DLGAP2: variants seen among roughly 807,000 people sequenced by gnomAD.
The protein encoded by DLGAP2 is DLG associated protein 2.
In DLGAP2, 26 loss-of-function variants were observed where a neutral mutation model predicts 100.3. That is an observed-to-expected ratio of 0.26 (90% CI 0.19 to 0.36). The LOEUF is 0.36. Among genes scored for constraint, DLGAP2 ranks in the 10% least tolerant of loss-of-function variants. The probability of loss-of-function intolerance (pLI) is 1.00; values close to 1 mark genes in which losing one functional copy is unlikely to be tolerated. For missense variants in DLGAP2, 1,858 were observed against 1,453.2 expected, an observed-to-expected ratio of 1.28 and a Z score of -4.53; for synonymous variants, 886 against 630.1, an observed-to-expected ratio of 1.41 and a Z score of -6.08.
chr8:1,360,859 CCAGA>C (rs1332138666), intron 3 of DLGAP2, among the ~76,000 whole-genome samples: 1 of 152,234 alleles, frequency 6.6e-6, no homozygotes, highest in Admixed American at 6.5e-5. Flanking sequence ...ACGGTGAGAT[CCAGA>C]CAGAGACCCG....
At chr8:1,532,202 G>T (rs1373641355) in intron 4 of DLGAP2, among the ~76,000 whole-genome samples, 1 of 152,162 alleles carries the variant, frequency 6.6e-6, no homozygotes, top group East Asian at 1.9e-4. Flanking sequence ...CTTTAGCTTA[G>T]TGATATTGGG....
intron 4 of DLGAP2, among the ~76,000 whole-genome samples, chr8:1,513,398 G>A (rs185527982): frequency 1.1e-4 from 17 of 152,062 alleles, no homozygotes; most frequent in Non-Finnish European, 2.4e-4. Context: ...GAGGAAGGGA[G>A]AGGCCACAGG....
chr8:1,105,597 A>G (rs1160155786), intron 2 of DLGAP2, among the ~76,000 whole-genome samples: 6 of 144,374 alleles, frequency 4.2e-5, no homozygotes, highest in African/African-American at 7.8e-5. Flanking sequence ...AGGGTTTTCT[A>G]TTGAAGGGAG....
chr8:862,764 C>T (rs574999945), intron 1 of DLGAP2, among the ~76,000 whole-genome samples: 4 of 152,172 alleles, frequency 2.6e-5, no homozygotes, highest in Non-Finnish European at 5.9e-5. Context: ...GAACTTGAAG[C>T]CTCAGCTTTC....
chr8:1,676,881 A>G (rs1027629299), intron 11 of DLGAP2, among the ~76,000 whole-genome samples: 9 of 152,256 alleles, frequency 5.9e-5, no homozygotes, highest in Non-Finnish European at 4.4e-5. Context: ...CCTGAAAGTC[A>G]GAGTCCTTGA....
intron 3 of DLGAP2, among the ~76,000 whole-genome samples, chr8:1,447,679 G>A (rs1041189663): frequency 2.0e-5 from 3 of 152,120 alleles, no homozygotes; most frequent in South Asian, 2.1e-4. Flanking sequence ...TTCTCCTTGT[G>A]CCTCTGGTAG....
chr8:1,342,188 CG>C (rs1563093917), intron 3 of DLGAP2, among the ~76,000 whole-genome samples: 1 of 152,056 alleles, frequency 6.6e-6, no homozygotes. Flanking sequence ...CTCAAGCAAT[CG>C]GCCCACCTCA....
chr8:1,324,278 T>C (rs1480375955), intron 3 of DLGAP2, among the ~76,000 whole-genome samples: 2 of 152,198 alleles, frequency 1.3e-5, no homozygotes, highest in African/African-American at 4.8e-5. Flanking sequence ...ACAACAGAGT[T>C]TTCATTGAGC....
At chr8:1,512,275 C>T (rs772202782) in intron 4 of DLGAP2, among the ~76,000 whole-genome samples, 7 of 152,228 alleles carry the variant, frequency 4.6e-5, no homozygotes, top group South Asian at 2.1e-4. Flanking sequence ...GTCCCATAAA[C>T]TTAAAAATAA....
At chr8:1,340,200 C>T (rs1285698454) in intron 3 of DLGAP2, among the ~76,000 whole-genome samples, 2 of 152,108 alleles carry the variant, frequency 1.3e-5, no homozygotes, top group African/African-American at 2.4e-5. Context: ...ACAGAGACAC[C>T]AAAAGCAATG....
intron 1 of DLGAP2, among the ~76,000 whole-genome samples, chr8:899,016 G>T (rs1798199322): frequency 1.3e-5 from 2 of 152,204 alleles, no homozygotes; most frequent in African/African-American, 4.8e-5. Flanking sequence ...AAGCCCCCCA[G>T]GCGGTTCTGA....
chr8:1,089,202 T>C (rs777369023), intron 2 of DLGAP2, among the ~76,000 whole-genome samples: 5 of 152,220 alleles, frequency 3.3e-5, no homozygotes, highest in Admixed American at 6.5e-5. Context: ...GGCTATGCAA[T>C]TGCTCTGGCC....
chr8:1,636,952 G>A (rs1797780567), intron 8 of DLGAP2, among the ~76,000 whole-genome samples: 1 of 152,234 alleles, frequency 6.6e-6, no homozygotes, highest in African/African-American at 2.4e-5. Context: ...CAGGTGTGTT[G>A]GGACACACAG....
chr8:1,364,509 G>GA (rs984557391), intron 3 of DLGAP2, among the ~76,000 whole-genome samples: 6 of 148,462 alleles, frequency 4.0e-5, no homozygotes, highest in Admixed American at 2.0e-4. Context: ...GGGCGGGGGG[G>GA]GTGCAGCGAA....
intron 4 of DLGAP2, among the ~76,000 whole-genome samples, chr8:1,522,440 G>C (rs73672785): frequency 1.3e-5 from 2 of 152,222 alleles, no homozygotes; most frequent in Non-Finnish European, 2.9e-5. Flanking sequence ...TTTGCTCAGA[G>C]CACGGGATCC....
intron 13 of DLGAP2, among the ~76,000 whole-genome samples, chr8:1,692,571 A>C (rs1160138250): frequency 3.3e-5 from 5 of 152,164 alleles, no homozygotes. Context: ...TTGCAACTGG[A>C]TGCCCCACCA....
intron 3 of DLGAP2, among the ~76,000 whole-genome samples, chr8:1,378,993 C>G (rs1017354493): frequency 6.6e-6 from 1 of 152,196 alleles, no homozygotes; most frequent in Non-Finnish European, 1.5e-5. Flanking sequence ...AGCATGTGTC[C>G]CCTTGGGCTG....
chr8:1,145,669 T>G (rs1458484459), intron 2 of DLGAP2, among the ~76,000 whole-genome samples: 1 of 151,858 alleles, frequency 6.6e-6, no homozygotes, highest in Admixed American at 6.6e-5. Flanking sequence ...ATGTGCAGGT[T>G]AGTTACATAT....
intron 2 of DLGAP2, among the ~76,000 whole-genome samples, chr8:1,190,669 A>T (rs1313761464): frequency 1.3e-5 from 2 of 152,112 alleles, no homozygotes; most frequent in Non-Finnish European, 2.9e-5. Flanking sequence ...GCTTATCCTC[A>T]TCCTCCCAAC....
Sources: allele counts gnomAD v4.1 joint callset (sites outside exome capture counted in the v4.1 genomes callset), GRCh38; gene constraint gnomAD v4.1.1; transcripts MANE v1.5; gene names NCBI Gene and HGNC (gene_info 2026-07-23, HGNC 2026-07-21).